The following CNTN5 variants were observed in gnomAD, a reference collection of about 807,000 sequenced individuals.
CNTN5 encodes the protein contactin 5, also known as contactin-5.
Under a neutral mutation model 129.1 loss-of-function variants are expected in CNTN5, and 77 were observed. That is an observed-to-expected ratio of 0.60 (90% CI 0.50 to 0.72). The LOEUF (loss-of-function observed/expected upper bound fraction) is 0.72, where lower values mean the gene tolerates loss of function less well. Among genes scored for constraint, CNTN5 ranks in the 30% least tolerant of loss-of-function variants. CNTN5 has a pLI of 0.00. For synonymous variants in CNTN5, 509 were observed against 465.6 expected (o/e 1.09, Z -1.20); for missense variants, 1,478 against 1,328.8 (o/e 1.11, Z -1.75).
chr11:99,496,733 G>T (rs1175836784), intron 2 of CNTN5, among the ~76,000 whole-genome samples: 1 of 152,210 alleles, frequency 6.6e-6, no homozygotes, highest in Non-Finnish European at 1.5e-5. Context: ...AGCAATCTCT[G>T]TGAAGTTGTT....
chr11:99,242,478 T>C (rs1004425913), intron 1 of CNTN5, among the ~76,000 whole-genome samples: 5 of 152,012 alleles, frequency 3.3e-5, no homozygotes, highest in Non-Finnish European at 5.9e-5. Flanking sequence ...AGGGCAAACT[T>C]TTTTTTTCTT....
chr11:99,181,941 G>A (rs550942602), intron 1 of CNTN5, among the ~76,000 whole-genome samples: 167 of 152,200 alleles, frequency 1.1e-3, no homozygotes, highest in African/African-American at 3.9e-3. Context: ...ATCTGGAGTG[G>A]TATTATATAA....
intron 13 of CNTN5, among the ~76,000 whole-genome samples, chr11:100,188,319 G>C (rs1459846763): frequency 6.6e-6 from 1 of 152,058 alleles, no homozygotes; most frequent in South Asian, 2.1e-4. Flanking sequence ...CGGGCCACAG[G>C]GGGCGAGGAG....
At chr11:100,143,003 T>G (rs1040351109) in intron 13 of CNTN5, among the ~76,000 whole-genome samples, 4 of 152,162 alleles carry the variant, frequency 2.6e-5, no homozygotes, top group Admixed American at 1.3e-4. Context: ...TGTACATGTA[T>G]GAAACATAAA....
At chr11:100,060,785 G>A (rs1340812812) in intron 9 of CNTN5, among the ~76,000 whole-genome samples, 1 of 151,538 alleles carries the variant, frequency 6.6e-6, no homozygotes, top group Non-Finnish European at 1.5e-5. Context: ...GATTATAGGC[G>A]CCCACCACCA....
intron 3 of CNTN5, among the ~76,000 whole-genome samples, chr11:99,747,386 C>T (rs1056696160): frequency 1.1e-4 from 17 of 150,912 alleles, no homozygotes; most frequent in African/African-American, 3.2e-4. Flanking sequence ...TTTTCCAATT[C>T]GAATATATTT....
At chr11:99,610,395 T>C (rs1565345860) in intron 3 of CNTN5, among the ~76,000 whole-genome samples, 2 of 152,090 alleles carry the variant, frequency 1.3e-5, no homozygotes, top group Non-Finnish European at 2.9e-5. Flanking sequence ...GGACCAGGAC[T>C]AGACATAACA....
chr11:99,782,259 C>A (rs938400493), intron 3 of CNTN5, among the ~76,000 whole-genome samples: 1 of 146,044 alleles, frequency 6.8e-6, no homozygotes, highest in South Asian at 2.2e-4. Context: ...ACCTAGGAAT[C>A]CAACTTACAA....
intron 4 of CNTN5, among the ~76,000 whole-genome samples, chr11:99,842,609 C>T (rs1947546814): frequency 1.3e-5 from 2 of 152,084 alleles, no homozygotes; most frequent in African/African-American, 2.4e-5. Flanking sequence ...TTTTATGCAG[C>T]ATAGCTATTT....
chr11:99,914,368 A>G (rs1194348897), intron 6 of CNTN5, among the ~76,000 whole-genome samples: 2 of 152,104 alleles, frequency 1.3e-5, no homozygotes, highest in African/African-American at 4.8e-5. Flanking sequence ...TTTTTGGAAA[A>G]AAAAGCCTCT....
intron 6 of CNTN5, among the ~76,000 whole-genome samples, chr11:99,845,517 C>G (rs952283106): frequency 6.6e-6 from 1 of 150,442 alleles, no homozygotes; most frequent in Non-Finnish European, 1.5e-5. Flanking sequence ...GGACTACAGG[C>G]GCCCGCCACT....
At chr11:99,331,505 G>A (rs1865997237) in intron 2 of CNTN5, among the ~76,000 whole-genome samples, 2 of 152,068 alleles carry the variant, frequency 1.3e-5, no homozygotes, top group Admixed American at 1.3e-4. Context: ...CAAAATGACA[G>A]AGGTGACTAT....
intron 1 of CNTN5, among the ~76,000 whole-genome samples, chr11:99,054,104 C>T (rs550302618): frequency 6.6e-6 from 1 of 151,766 alleles, no homozygotes; most frequent in Non-Finnish European, 1.5e-5. Flanking sequence ...ATGTAAGATG[C>T]AGGAGTTTAG....
intron 3 of CNTN5, among the ~76,000 whole-genome samples, chr11:99,694,252 A>T (rs975962086): frequency 6.6e-6 from 1 of 152,142 alleles, no homozygotes; most frequent in Non-Finnish European, 1.5e-5. Context: ...AGTGAGCCAA[A>T]TCTGGCTTAT....
chr11:99,618,700 A>G (rs1445065548), intron 3 of CNTN5, among the ~76,000 whole-genome samples: 2 of 152,154 alleles, frequency 1.3e-5, no homozygotes, highest in Non-Finnish European at 2.9e-5. Context: ...TAATCTAGTT[A>G]ACCTGGGACT....
chr11:100,297,502 T>A (rs1282027634), intron 18 of CNTN5, 123 bp from the exon 19 acceptor site: 1 of 730,680 alleles, frequency 1.4e-6, no homozygotes, highest in Non-Finnish European at 2.4e-6. Flanking sequence ...GTCACCAATA[T>A]TTTGTTTTAA....
chr11:99,539,579 T>C (rs10750321), intron 2 of CNTN5, among the ~76,000 whole-genome samples: 72,599 of 151,850 alleles, frequency 0.48, 17,645 homozygotes, highest in African/African-American at 0.52. Flanking sequence ...TATGAAATAA[T>C]TATTACTACC....
intron 8 of CNTN5, among the ~76,000 whole-genome samples, chr11:99,994,090 C>T (rs1052177613): frequency 3.3e-5 from 5 of 152,060 alleles, no homozygotes; most frequent in African/African-American, 1.2e-4. Flanking sequence ...CTCCAGAAGG[C>T]TGTATCTGGG....
At chr11:99,313,505 C>T (rs1865205750) in intron 1 of CNTN5, among the ~76,000 whole-genome samples, 1 of 151,968 alleles carries the variant, frequency 6.6e-6, no homozygotes, top group South Asian at 2.1e-4. Flanking sequence ...GGGAAATTCT[C>T]ACATAGGGAA....
Sources: allele counts gnomAD v4.1 joint callset (sites outside exome capture counted in the v4.1 genomes callset), GRCh38; gene constraint gnomAD v4.1.1; transcripts MANE v1.5; gene names NCBI Gene and HGNC (gene_info 2026-07-23, HGNC 2026-07-21).